IFT25: variants seen among roughly 807,000 people sequenced by gnomAD.
The protein encoded by IFT25 is intraflagellar transport 25.
chr1:53,930,000 CAA>C, the IFT25 span: 32,358 of 1,322,080 alleles, frequency 0.024, 1 homozygote, highest in South Asian at 0.061. Context: ...CCTGGAGCAC[CAA>C]AAAAAAAAAA....
At chr1:53,911,912 G>A in the IFT25 span, among the ~76,000 whole-genome samples, 1 of 152,110 alleles carries the variant, frequency 6.6e-6, no homozygotes, top group Admixed American at 6.5e-5. Context: ...CTATTATTAC[G>A]ATTATCATAA....
chr1:53,924,241 T>G, the IFT25 span, among the ~76,000 whole-genome samples: 2 of 152,152 alleles, frequency 1.3e-5, no homozygotes, highest in Non-Finnish European at 2.9e-5. Flanking sequence ...TGAAAATTTC[T>G]TTTTAAAACA....
the IFT25 span, among the ~76,000 whole-genome samples, chr1:53,913,450 G>C: frequency 1.7e-4 from 26 of 152,318 alleles, no homozygotes; most frequent in Middle Eastern, 3.4e-3. Context: ...TTCTGATTAT[G>C]AGTCTTCATT....
At chr1:53,918,667 A>G in the IFT25 span, among the ~76,000 whole-genome samples, 2 of 152,116 alleles carry the variant, frequency 1.3e-5, no homozygotes, top group Admixed American at 6.5e-5. Context: ...CTATCTCTTG[A>G]GTTTCCTGAA....
the IFT25 span, among the ~76,000 whole-genome samples, chr1:53,918,899 C>T: frequency 2.0e-5 from 3 of 152,114 alleles, no homozygotes; most frequent in Admixed American, 6.6e-5. Context: ...AGTGCAATGG[C>T]GTGATCTCGG....
the IFT25 span, chr1:53,930,000 CAAAAAAA>C: frequency 6.4e-6 from 9 of 1,407,990 alleles, no homozygotes; most frequent in South Asian, 3.1e-5. Context: ...CCTGGAGCAC[CAAAAAAA>C]AAAAAAAAAA....
chr1:53,926,686 C>T, the IFT25 span, among the ~76,000 whole-genome samples: 2 of 151,836 alleles, frequency 1.3e-5, no homozygotes, highest in Non-Finnish European at 2.9e-5. Context: ...CTGAAGAGAC[C>T]AGGTCAGTTG....
At chr1:53,926,299 C>A in the IFT25 span, among the ~76,000 whole-genome samples, 1 of 151,996 alleles carries the variant, frequency 6.6e-6, no homozygotes, top group Non-Finnish European at 1.5e-5. Flanking sequence ...GTGCATGCCA[C>A]CACACCTAGC....
chr1:53,916,623 T>C, the IFT25 span: 2 of 271,200 alleles, frequency 7.4e-6, no homozygotes, highest in East Asian at 1.2e-4. Flanking sequence ...ATAATTCACA[T>C]TCCTTCTCAA....
the IFT25 span, chr1:53,923,977 GT>G: frequency 6.8e-7 from 1 of 1,480,626 alleles, no homozygotes; most frequent in Admixed American, 1.7e-5. Flanking sequence ...GAAGAAATGA[GT>G]TAAGGGTCAA....
the IFT25 span, among the ~76,000 whole-genome samples, chr1:53,916,115 G>A: frequency 6.6e-6 from 1 of 151,370 alleles, no homozygotes; most frequent in Admixed American, 6.6e-5. Flanking sequence ...AGCCTGGGAG[G>A]TCAAGGCTGC....
the IFT25 span, chr1:53,928,957 G>C: frequency 1.3e-5 from 2 of 153,224 alleles, no homozygotes; most frequent in African/African-American, 4.8e-5. Flanking sequence ...CGATTAATGA[G>C]AGAAGAGACT....
At chr1:53,915,180 T>C in the IFT25 span, among the ~76,000 whole-genome samples, 1 of 152,198 alleles carries the variant, frequency 6.6e-6, no homozygotes, top group South Asian at 2.1e-4. Context: ...TGAGAATATA[T>C]GTGCCAGGCA....
chr1:53,936,198 GA>G, the IFT25 span, among the ~76,000 whole-genome samples: 1 of 152,170 alleles, frequency 6.6e-6, no homozygotes, highest in Non-Finnish European at 1.5e-5. Context: ...TGAGGCAGAA[GA>G]ATCACTTGAA....
chr1:53,938,835 G>C, the IFT25 span, among the ~76,000 whole-genome samples: 1 of 152,120 alleles, frequency 6.6e-6, no homozygotes, highest in Non-Finnish European at 1.5e-5. Context: ...AGCATTTTGA[G>C]AGGCCAAGGC....
the IFT25 span, among the ~76,000 whole-genome samples, chr1:53,937,980 C>T: frequency 6.6e-6 from 1 of 152,180 alleles, no homozygotes; most frequent in Non-Finnish European, 1.5e-5. Context: ...TTGAGTTAAC[C>T]TAGTGTAGCA....
the IFT25 span, among the ~76,000 whole-genome samples, chr1:53,911,975 A>T: frequency 6.6e-6 from 1 of 152,258 alleles, no homozygotes; most frequent in African/African-American, 2.4e-5. Context: ...TTGGAGGTGG[A>T]AGGAGGACAA....
chr1:53,942,225 A>G, the IFT25 span, among the ~76,000 whole-genome samples: 908 of 152,320 alleles, frequency 6.0e-3, 9 homozygotes, highest in African/African-American at 0.021. Flanking sequence ...ACCTATACTC[A>G]GTTTTGAAAA....
the IFT25 span, among the ~76,000 whole-genome samples, chr1:53,943,639 T>C: frequency 3.3e-5 from 5 of 152,144 alleles, no homozygotes; most frequent in Non-Finnish European, 5.9e-5. Flanking sequence ...CTTTTTTTTT[T>C]TGAGGCAAGG....
Sources: allele counts gnomAD v4.1 joint callset (sites outside exome capture counted in the v4.1 genomes callset), GRCh38; gene constraint gnomAD v4.1.1; transcripts MANE v1.5; gene names NCBI Gene and HGNC (gene_info 2026-07-23, HGNC 2026-07-21).